Variants in ZFP14 observed in about 807,000 individuals in gnomAD.
ZFP14 encodes the protein zinc finger protein 14 homolog.
A neutral mutation model predicts 54.5 loss-of-function variants in ZFP14; 22 were observed. The observed-to-expected ratio is 0.40, with a 90% CI of 0.29 to 0.58. ZFP14 has a LOEUF of 0.58. Ranked by LOEUF, ZFP14 falls within the 20% of genes least tolerant of loss-of-function variation. ZFP14 has a pLI of 0.39. For missense variants in ZFP14, 470 were observed against 637.8 expected (o/e 0.74, Z 2.83); for synonymous variants, 159 against 204.0 (o/e 0.78, Z 1.88).
At chr19:36,359,743 C>T (rs2031679103) in intron 4 of ZFP14, among the ~76,000 whole-genome samples, 1 of 152,094 alleles carries the variant, frequency 6.6e-6, no homozygotes, top group South Asian at 2.1e-4. Context: ...CAACCTCCGC[C>T]TCCCGGGTTC....
chr19:36,368,118 G>C lies in ZFP14; in HGVS notation c.-79-147C>G, dbSNP rs182817387. 2.5e-3 allele frequency: 1,245 copies of C among 498,532 alleles called. 13 individuals carry two copies. Among genetic ancestry groups the C allele is most frequent in the African/African-American group, 0.022 (1,132 of 51,984 alleles). 30.9% of individuals were successfully genotyped at this position (498,532 alleles called of 1,614,324 possible). ...TTTCCAAAGTACCACCCACCACTAT[G>C]CCCATCCCTATCCTATACCCACATA... On this transcript the variant is annotated intron_variant, in intron 1 of 4. Coordinates refer to ENST00000270001, the MANE Select transcript of ZFP14 (RefSeq NM_020917.3).
At chr19:36,363,219 A>G (rs1341039168) in intron 2 of ZFP14, among the ~76,000 whole-genome samples, 193 of 88,914 alleles carry the variant, frequency 2.2e-3, no homozygotes, top group African/African-American at 7.0e-3. Flanking sequence ...TTTGAGACGG[A>G]GTCTCGCTCT....
intron 4 of ZFP14, among the ~76,000 whole-genome samples, chr19:36,349,233 AAAAAAAAAAC>A (rs1162534579): frequency 4.3e-4 from 18 of 42,074 alleles, no homozygotes; most frequent in African/African-American, 1.6e-3. Flanking sequence ...CTCTGTCTCA[AAAAAAAAAAC>A]AAAAAAAAAA....
Position 36,335,101 on chromosome 19 carries a change from T to C in ZFP14, c.*5123A>G, listed in dbSNP as rs1262170195. 6.6e-6 allele frequency: 1 copy of C among 152,266 alleles called. No homozygotes were observed. The highest frequency in any genetic ancestry group is 1.5e-5 in the Non-Finnish European group (1 of 68,060). The allele number at this position is 152,266 out of a possible 1,614,324, so 9.4% of individuals were successfully genotyped here. ...GTTGGCCAGGCTGGTCTCAAACTCC[T>C]GACCTCAAGTGATCTGCTCGCCTTG... On this transcript the variant is annotated 3_prime_UTR_variant, in exon 5 of 5. Coordinates refer to ENST00000270001, the MANE Select transcript of ZFP14 (RefSeq NM_020917.3).
chr19:36,376,553 AG>A (rs1430569963), intron 1 of ZFP14, among the ~76,000 whole-genome samples: 1 of 151,850 alleles, frequency 6.6e-6, no homozygotes, highest in East Asian at 1.9e-4. Context: ...TCAAAAAAAA[AG>A]AAAAAAAAAA....
chr19:36,378,830 T>TA (rs1289621395), intron 1 of ZFP14: 2 of 152,222 alleles, frequency 1.3e-5, no homozygotes, highest in Non-Finnish European at 2.9e-5. Flanking sequence ...AAAGGCCAGG[T>TA]ACACGAAGAC....
chr19:36,337,801 A>G lies in ZFP14; in HGVS notation c.*2423T>C, dbSNP rs2031233055. The G allele has an allele frequency of 6.6e-6, 1 of 152,180 alleles. No individual in the cohort carries two copies. The highest frequency in any genetic ancestry group is 2.4e-5 in the African/African-American group (1 of 41,448). The allele number at this position is 152,180 out of a possible 1,614,324, so 9.4% of individuals were successfully genotyped here. A position where few individuals can be genotyped will look rare whatever the true frequency, so the allele number is the denominator to read the frequency against. On this transcript the variant is annotated 3_prime_UTR_variant, in exon 5 of 5. Transcript: ENST00000270001. ...TTTTTATTAAGGTTAAAACAGATCA[A>G]AGGGTTCAGAGGTGGCCAGTTTGAT...
chr19:36,359,196 G>C (rs1234388190), intron 4 of ZFP14, among the ~76,000 whole-genome samples: 1 of 152,096 alleles, frequency 6.6e-6, no homozygotes, highest in Non-Finnish European at 1.5e-5. Flanking sequence ...CATTTTTTCT[G>C]TTAATATGGT....
Position 36,340,180 on chromosome 19 carries a change from T to C in ZFP14, c.*44A>G. 1 of 1,481,434 alleles carries C rather than the reference T, an allele frequency of 6.8e-7. No homozygotes were observed. Among genetic ancestry groups the C allele is most frequent in the Non-Finnish European group, 9.0e-7 (1 of 1,115,082 alleles). The allele number at this position is 1,481,434 out of a possible 1,614,324, so 91.8% of individuals were successfully genotyped here. On this transcript the variant is annotated 3_prime_UTR_variant, in exon 5 of 5. Transcript: ENST00000270001. The surrounding 1 kb of genome is among the most constrained non-coding windows in gnomAD (Gnocchi z 5.4). ...AACACATTTTCTCAAAAATGAATTTTCTGATGTTCTGTAACATCATATACA... is the reference window on the plus strand; with the variant it reads ...AACACATTTTCTCAAAAATGAATTTCCTGATGTTCTGTAACATCATATACA...
intron 1 of ZFP14, among the ~76,000 whole-genome samples, chr19:36,371,245 A>G (rs1331904762): frequency 2.0e-5 from 3 of 152,206 alleles, no homozygotes; most frequent in Admixed American, 2.0e-4. Flanking sequence ...CCTGGGCGAC[A>G]GAGCGAGACT....
chr19:36,369,631 G>A (rs2031850358), intron 1 of ZFP14, among the ~76,000 whole-genome samples: 1 of 151,776 alleles, frequency 6.6e-6, no homozygotes, highest in East Asian at 1.9e-4. Context: ...GGCTGGTCTC[G>A]AACTCCTGAC....
intron 4 of ZFP14, among the ~76,000 whole-genome samples, chr19:36,348,323 C>G (rs1449143664): frequency 6.6e-6 from 1 of 152,160 alleles, no homozygotes; most frequent in Non-Finnish European, 1.5e-5. Context: ...GTTCAAGCCA[C>G]AAATATACAA....
At chr19:36,359,514 C>G (rs1321706802) in intron 4 of ZFP14, among the ~76,000 whole-genome samples, 1 of 152,138 alleles carries the variant, frequency 6.6e-6, no homozygotes, top group Non-Finnish European at 1.5e-5. Flanking sequence ...ATTACTTTAG[C>G]AGCATAAGGG....
rs900128661 is a variant in ZFP14 at position 36,377,819 on chromosome 19, C to A, written c.-80+1344G>T. On this transcript the variant is annotated intron_variant, in intron 1 of 4. Transcript: ENST00000270001. Reference sequence around the variant, plus strand: ...GCACATCGTGCCACTGCACTCCAGCCTGGGTAACAGACCCAGACTCCATCT... The same window carrying A: ...GCACATCGTGCCACTGCACTCCAGCATGGGTAACAGACCCAGACTCCATCT... Among the ~76,000 whole-genome samples the A allele has an allele frequency of 5.3e-5, 8 of 152,016 alleles. No homozygotes were observed. The South Asian group carries it at 6.2e-4, about 12-fold the overall frequency.
rs1190645274 is a variant in ZFP14, at chr19:36,337,372, T to G, written c.*2852A>C. 1.3e-5 allele frequency: 2 copies of G among 151,824 alleles called. No individual in the cohort carries two copies. Among genetic ancestry groups the G allele is most frequent in the Non-Finnish European group, 2.9e-5 (2 of 67,984 alleles). The allele number at this position is 151,824 out of a possible 1,614,324, so 9.4% of individuals were successfully genotyped here. ...ATAGCCAGCCCTCCATATGTGCAGATTCAACCAATCTCAAATAGAAAATAC... is the reference window on the plus strand; with the variant it reads ...ATAGCCAGCCCTCCATATGTGCAGAGTCAACCAATCTCAAATAGAAAATAC... On this transcript the variant is annotated 3_prime_UTR_variant, in exon 5 of 5. Transcript: ENST00000270001.
intron 4 of ZFP14, among the ~76,000 whole-genome samples, chr19:36,350,777 C>T (rs1413883793): frequency 7.1e-6 from 1 of 141,610 alleles, no homozygotes; most frequent in East Asian, 2.1e-4. Flanking sequence ...AAGCAGCTAA[C>T]GGGAAAAAAT....
At chr19:36,378,889 C>T (rs1421155396) in intron 1 of ZFP14, 1 of 152,268 alleles carries the variant, frequency 6.6e-6, no homozygotes, top group Non-Finnish European at 1.5e-5. Context: ...TGGGAGGGAG[C>T]TCGGGTAAAG....
intron 4 of ZFP14, among the ~76,000 whole-genome samples, chr19:36,357,794 G>C (rs1009312623): frequency 6.6e-6 from 1 of 151,910 alleles, no homozygotes; most frequent in Non-Finnish European, 1.5e-5. Flanking sequence ...CCAGGGTGGA[G>C]TGCAGTGGTG....
In ZFP14 at chr19:36,340,178, T is replaced by C. The variant is rs767035104; in HGVS notation, c.*46A>G. The C allele has an allele frequency of 4.1e-6, 6 of 1,478,768 alleles. No individual in the cohort carries two copies. Among genetic ancestry groups the C allele is most frequent in the South Asian group, 1.5e-5 (1 of 65,020 alleles). 91.6% of individuals were successfully genotyped at this position (1,478,768 alleles called of 1,614,324 possible). On this transcript the variant is annotated 3_prime_UTR_variant, in exon 5 of 5. Coordinates refer to ENST00000270001, the MANE Select transcript of ZFP14 (RefSeq NM_020917.3). The surrounding 1 kb of genome is among the most constrained non-coding windows in gnomAD (Gnocchi z 5.4). Reference sequence around the variant, plus strand: ...GAAACACATTTTCTCAAAAATGAATTTTCTGATGTTCTGTAACATCATATA... The same window carrying C: ...GAAACACATTTTCTCAAAAATGAATCTTCTGATGTTCTGTAACATCATATA...
Sources: gnomAD v4.1 joint callset for allele counts (sites outside exome capture counted in the v4.1 genomes callset) on GRCh38, gnomAD v4.1.1 for gene constraint, Gnocchi (gnomAD v3.1) non-coding constraint, MANE v1.5 for transcripts, NCBI Gene and HGNC (gene_info 2026-07-23, HGNC 2026-07-21) for gene names.